The following JAKMIP1 variants were observed in gnomAD, a reference collection of about 807,000 sequenced individuals.
JAKMIP1 encodes the protein janus kinase and microtubule interacting protein 1.
JAKMIP1 carries 33 observed loss-of-function variants against 113.0 expected under a neutral mutation model. That is an observed-to-expected ratio of 0.29 (90% CI 0.22 to 0.39). The LOEUF (loss-of-function observed/expected upper bound fraction) is 0.39. Among genes scored for constraint, JAKMIP1 ranks in the 10% least tolerant of loss-of-function variants. The pLI, the probability that JAKMIP1 is intolerant of heterozygous loss-of-function variation, is 1.00. For missense variants in JAKMIP1, 813 were observed against 1,080.5 expected (o/e 0.75, Z 3.47); for synonymous variants, 480 against 459.9 (o/e 1.04, Z -0.56).
chr4:6,090,825 A>C (rs1721960212), intron 3 of JAKMIP1, among the ~76,000 whole-genome samples: 1 of 151,060 alleles, frequency 6.6e-6, no homozygotes, highest in Non-Finnish European at 1.5e-5. Context: ...TAACCACCTT[A>C]AACTAGAACA....
In JAKMIP1 at chr4:6,194,398, G is replaced by C. The variant is rs1372371544; in HGVS notation, c.-148+5855C>G. 1 of 152,018 alleles carries C rather than the reference G, an allele frequency of 6.6e-6. No homozygotes were observed. Among genetic ancestry groups the C allele is most frequent in the Non-Finnish European group, 1.5e-5 (1 of 68,040 alleles). The allele number at this position is 152,018 out of a possible 1,614,324, so 9.4% of individuals were successfully genotyped here. Reference sequence around the variant, plus strand: ...ACAGTCCCATGTCAGAACAAGCAGAGAGGGGTGACCAGCCACCAGATGCAA... The same window carrying C: ...ACAGTCCCATGTCAGAACAAGCAGACAGGGGTGACCAGCCACCAGATGCAA... On this transcript the variant is annotated intron_variant, in intron 1 of 20. Coordinates refer to ENST00000409021, the MANE Select transcript of JAKMIP1 (RefSeq NM_001099433.2). The surrounding 1 kb of genome is among the most constrained non-coding windows in gnomAD (Gnocchi z 7.4).
At chr4:6,046,941 G>C (rs1282175378) in intron 16 of JAKMIP1, among the ~76,000 whole-genome samples, 1 of 152,190 alleles carries the variant, frequency 6.6e-6, no homozygotes, top group Non-Finnish European at 1.5e-5. Flanking sequence ...CAGCCACCCT[G>C]AGTCACCAGC....
rs201641461 is a variant in JAKMIP1 at position 6,098,643 on chromosome 4, AGAAAG to A, written c.624+6825_624+6829del. 6.0e-3 allele frequency among the ~76,000 whole-genome samples: 834 copies of A among 138,524 alleles called. 8 individuals are homozygous for A. Among genetic ancestry groups the A allele is most frequent in the African/African-American group, 0.023 (760 of 33,108 alleles). 90.9% of individuals were successfully genotyped at this position (138,524 alleles called of 152,430 possible). A position where few individuals can be genotyped will look rare whatever the true frequency, so the allele number is the denominator to read the frequency against. Reference sequence around the variant, plus strand: ...AAAGAAAAAGAAAGAAAGAAAAGAAAGAAAGGAAAGGAAAGGAAGAAAGAGAGAGA... The same window carrying A: ...AAAGAAAAAGAAAGAAAGAAAAGAAAGAAAGGAAAGGAAGAAAGAGAGAGA... On this transcript the variant is annotated intron_variant, in intron 3 of 20. Coordinates refer to ENST00000409021, the MANE Select transcript of JAKMIP1 (RefSeq NM_001099433.2).
chr4:6,114,737 C>T (rs944265977), intron 1 of JAKMIP1, among the ~76,000 whole-genome samples: 3 of 152,238 alleles, frequency 2.0e-5, no homozygotes, highest in Non-Finnish European at 2.9e-5. Context: ...GAACTCCATT[C>T]GCCTTGATCT....
intron 13 of JAKMIP1, among the ~76,000 whole-genome samples, chr4:6,052,693 G>A (rs11938090): frequency 6.7e-6 from 1 of 150,052 alleles, no homozygotes; most frequent in African/African-American, 2.5e-5. Flanking sequence ...GTTTCTGGTG[G>A]TTCTGAAGGA....
chr4:6,141,690 A>G lies in JAKMIP1; in HGVS notation c.-147-28693T>C, dbSNP rs2108962314. ...GGTAGCTGGCCCAGCCCTGGTCCAC[A>G]GAAGCCAGGTGGAGAAATGCAAGAG... is the stretch of plus-strand genomic sequence containing the variant. On this transcript the variant is annotated intron_variant, in intron 1 of 20. Transcript: ENST00000409021. This position sits in a 1 kb window ranked among gnomAD's most constrained non-coding sequence, Gnocchi z 9.4. Among the ~76,000 whole-genome samples, 1 of 152,312 alleles carries G rather than the reference A, an allele frequency of 6.6e-6. No homozygotes were observed. Among genetic ancestry groups the G allele is most frequent in the African/African-American group, 2.4e-5 (1 of 41,570 alleles).
intron 1 of JAKMIP1, among the ~76,000 whole-genome samples, chr4:6,147,371 T>C (rs1284090108): frequency 1.3e-5 from 2 of 152,208 alleles, no homozygotes; most frequent in Non-Finnish European, 2.9e-5. Flanking sequence ...TAACTGGCTG[T>C]CCATGCAGAA....
At chr4:6,055,720 T>G (rs1578106628) in intron 12 of JAKMIP1, among the ~76,000 whole-genome samples, 1 of 146,016 alleles carries the variant, frequency 6.8e-6, no homozygotes, top group African/African-American at 2.6e-5. Context: ...TTTCTGCAGG[T>G]GTCCCCAGAG....
At position 6,086,910 on chromosome 4, in the gene JAKMIP1, G is replaced by A. The variant is rs1235928973; in HGVS notation, c.625-1281C>T. 6.6e-6 allele frequency among the ~76,000 whole-genome samples: 1 copy of A among 152,108 alleles called. No individual in the cohort carries two copies. The highest frequency in any genetic ancestry group is 2.4e-5 in the African/African-American group (1 of 41,438). On this transcript the variant is annotated intron_variant, in intron 3 of 20. Transcript: ENST00000409021. This position sits in a 1 kb window ranked among gnomAD's most constrained non-coding sequence, Gnocchi z 4.1. ...AACTCAAGGTCAGCCAGCAACACCAGCATCAGGAAGAGGCTGGGAAAGATC... is the reference window on the plus strand; with the variant it reads ...AACTCAAGGTCAGCCAGCAACACCAACATCAGGAAGAGGCTGGGAAAGATC...
intron 16 of JAKMIP1, among the ~76,000 whole-genome samples, chr4:6,047,867 A>C (rs1715194720): frequency 6.6e-6 from 1 of 152,240 alleles, no homozygotes; most frequent in South Asian, 2.1e-4. Flanking sequence ...AACCAGTGTA[A>C]AAGGCAAACA....
rs536544571 is a variant in JAKMIP1 at position 6,127,885 on chromosome 4, C to T, written c.-147-14888G>A. Among the ~76,000 whole-genome samples the T allele has an allele frequency of 8.9e-4, 135 of 152,302 alleles. 1 individual carries two copies. The Middle Eastern group carries it at 0.014, about 15-fold the overall frequency. On this transcript the variant is annotated intron_variant, in intron 1 of 20. Coordinates refer to ENST00000409021, the MANE Select transcript of JAKMIP1 (RefSeq NM_001099433.2). ...GTCTAACCTCTGCCCTTAGCTCCTCCGGGCACTCGGAAGCCCCCAAAATGC... is the reference window on the plus strand; with the variant it reads ...GTCTAACCTCTGCCCTTAGCTCCTCTGGGCACTCGGAAGCCCCCAAAATGC...
In JAKMIP1 at chr4:6,167,739, G is replaced by A. The variant is rs573132020; in HGVS notation, c.-148+32514C>T. Among the ~76,000 whole-genome samples the A allele has an allele frequency of 6.6e-6, 1 of 152,332 alleles. No homozygotes were observed. The highest frequency in any genetic ancestry group is 1.9e-4 in the East Asian group (1 of 5,184). On this transcript the variant is annotated intron_variant, in intron 1 of 20. Coordinates refer to ENST00000409021, the MANE Select transcript of JAKMIP1 (RefSeq NM_001099433.2). The surrounding 1 kb of genome is among the most constrained non-coding windows in gnomAD (Gnocchi z 5.3). ...GTACTGCTATCCTCACTTTACAGAT[G>A]TGAACTGCCCAAGGGCACGCGGCTT...
Position 6,073,063 on chromosome 4 carries a change from G to C in JAKMIP1, c.1302+5876C>G, listed in dbSNP as rs184562133. On this transcript the variant is annotated intron_variant, in intron 8 of 20. Coordinates refer to ENST00000409021, the MANE Select transcript of JAKMIP1 (RefSeq NM_001099433.2). The stretch of plus-strand genomic sequence containing the variant: ...ACTACACTCCAACCTGGGCGACAGA[G>C]AGAAACTCTGTCTTAAAAAAAAAAA... Among the ~76,000 whole-genome samples the C allele has an allele frequency of 5.2e-3, 742 of 141,996 alleles. 6 individuals are homozygous for C. Among genetic ancestry groups the C allele is most frequent in the African/African-American group, 0.019 (710 of 37,246 alleles). The allele number at this position is 141,996 out of a possible 152,430, so 93.2% of individuals were successfully genotyped here.
At chr4:6,036,476 C>T (rs1254583440) in intron 18 of JAKMIP1, among the ~76,000 whole-genome samples, 1 of 152,188 alleles carries the variant, frequency 6.6e-6, no homozygotes, top group Non-Finnish European at 1.5e-5. Flanking sequence ...ACCCTGGAAA[C>T]AAATCTCCCC....
rs977507587 is a variant in JAKMIP1, at chr4:6,140,445, C to G, written c.-147-27448G>C. On this transcript the variant is annotated intron_variant, in intron 1 of 20. Transcript: ENST00000409021. The surrounding 1 kb of genome is among the most constrained non-coding windows in gnomAD (Gnocchi z 9.4). Reference sequence around the variant, plus strand: ...CAGACCCACCCCAGGAGTGTGTGCTCAGGTCCTGCTTCATCAACACTGGGG... The same window carrying G: ...CAGACCCACCCCAGGAGTGTGTGCTGAGGTCCTGCTTCATCAACACTGGGG... Among the ~76,000 whole-genome samples the G allele has an allele frequency of 6.6e-6, 1 of 152,074 alleles. No individual in the cohort carries two copies. Among genetic ancestry groups the G allele is most frequent in the African/African-American group, 2.4e-5 (1 of 41,350 alleles).
chr4:6,063,725 T>C (rs1201677923), intron 9 of JAKMIP1, among the ~76,000 whole-genome samples: 1 of 152,142 alleles, frequency 6.6e-6, no homozygotes, highest in Admixed American at 6.5e-5. Flanking sequence ...AATAGACCCA[T>C]GGGAGGAAAC....
intron 10 of JAKMIP1, 88 bp from the exon 11 acceptor site, chr4:6,060,595 C>G (rs1395274556): frequency 1.0e-6 from 1 of 954,198 alleles, no homozygotes; most frequent in Non-Finnish European, 1.7e-6. Flanking sequence ...GCAAGCAATG[C>G]CTAGGGTCCT....
chr4:6,099,415 C>A (rs1454231549), intron 3 of JAKMIP1, among the ~76,000 whole-genome samples: 1 of 152,192 alleles, frequency 6.6e-6, no homozygotes, highest in Non-Finnish European at 1.5e-5. Context: ...TTGTCACAGC[C>A]TCCTTGAACT....
intron 20 of JAKMIP1, 142 bp from the exon 21 acceptor site, chr4:6,026,420 G>A: frequency 1.6e-6 from 1 of 619,948 alleles, no homozygotes; most frequent in Non-Finnish European, 2.9e-6. Flanking sequence ...AGAGAAATGG[G>A]AAGTAAACAG....
Sources: gnomAD v4.1 joint callset for allele counts (sites outside exome capture counted in the v4.1 genomes callset) on GRCh38, gnomAD v4.1.1 for gene constraint, Gnocchi (gnomAD v3.1) non-coding constraint, MANE v1.5 for transcripts, NCBI Gene and HGNC (gene_info 2026-07-23, HGNC 2026-07-21) for gene names.